The following TGIF2LY variants were observed in gnomAD, a reference collection of about 807,000 sequenced individuals.
TGIF2LY encodes homeobox protein TGIF2LY.
For missense variants in TGIF2LY, 5 were observed against 44.6 expected, an observed-to-expected ratio of 0.11 and a Z score of 2.53; for synonymous variants, 3 against 16.9, an observed-to-expected ratio of 0.18 and a Z score of 2.02.
Position 3,579,478 on chromosome Y carries a change from T to A in TGIF2LY, c.234T>A (p.Pro78=). 2.5e-6 allele frequency: 1 copy of A among 396,804 alleles called. No homozygotes were observed. Among genetic ancestry groups the A allele is most frequent in the African/African-American group, 6.4e-5 (1 of 15,541 alleles). ...WMYKHRFKAY[P]SEEEKQMLSE... ...ATAAGCATCGGTTTAAGGCCTACCC[T>A]TCAGAAGAAGAGAAGCAAATGCTGT... is the stretch of plus-strand genomic sequence containing the variant. Residue 78 remains proline, a synonymous_variant, in exon 2 of 2, where the codon CCT becomes CCA. Coordinates refer to ENST00000321217, the MANE Select transcript of TGIF2LY (RefSeq NM_139214.3).
chrY:3,579,879 C>G lies in TGIF2LY; in HGVS notation c.*77C>G. On this transcript the variant is annotated 3_prime_UTR_variant, in exon 2 of 2. Transcript: ENST00000321217. ...AACTTGTGTCTCCAGAGGAGTACGC[C>G]GACTTCAGCAGCTTCCTGCTGCTAG... is the stretch of plus-strand genomic sequence containing the variant. The G allele has an allele frequency of 2.5e-6, 1 of 398,032 alleles. No individual in the cohort carries two copies. Among genetic ancestry groups the G allele is most frequent in the South Asian group, 3.0e-5 (1 of 33,786 alleles).
Position 3,579,208 on chromosome Y carries a change from G to C in TGIF2LY, c.-21-16G>C. On this transcript the variant is annotated splice_polypyrimidine_tract_variant and intron_variant, in intron 1 of 1. Coordinates refer to ENST00000321217, the MANE Select transcript of TGIF2LY (RefSeq NM_139214.3). ...TACCTTTGTCCTAACTCAGTTGTCT[G>C]TGATTCTCAATATAGTAACGATAAG... The C allele has an allele frequency of 2.5e-6, 1 of 398,120 alleles. No homozygotes were observed. The highest frequency in any genetic ancestry group is 3.5e-6 in the Non-Finnish European group (1 of 283,149).
chrY:3,579,638 G>A lies in TGIF2LY; in HGVS notation c.394G>A (p.Ala132Thr), dbSNP rs2051739623. ...IGHKTGKDAH[A>T]THLQSTEASV... is the part of the protein sequence containing the mutation. Reference sequence around the variant, plus strand: ...CCACAAAACGGGCAAAGATGCCCATGCCACCCACCTGCAGAGCACCGAGGC... The same window carrying A: ...CCACAAAACGGGCAAAGATGCCCATACCACCCACCTGCAGAGCACCGAGGC... Residue 132 changes from alanine (A) to threonine (T), a missense_variant, in exon 2 of 2, where the codon GCC becomes ACC. Coordinates refer to ENST00000321217, the MANE Select transcript of TGIF2LY (RefSeq NM_139214.3). 2.5e-6 allele frequency: 1 copy of A among 397,235 alleles called. No homozygotes were observed. The highest frequency in any genetic ancestry group is 6.4e-5 in the African/African-American group (1 of 15,744).
Sources: gnomAD v4.1 joint callset for allele counts on GRCh38, gnomAD v4.1.1 for gene constraint, MANE v1.5 for transcripts, NCBI Gene and HGNC (gene_info 2026-07-23, HGNC 2026-07-21) for gene names.